Variants in STK24 observed in about 807,000 individuals in gnomAD.
The protein encoded by STK24 is serine/threonine kinase 24, also known as serine/threonine-protein kinase 24.
Under a neutral mutation model 55.6 loss-of-function variants are expected in STK24, and 21 were observed. The ratio of observed to expected loss-of-function variants is 0.38; its 90% CI spans 0.27 to 0.54. The LOEUF is 0.54. Ranked by LOEUF, STK24 falls within the 20% of genes least tolerant of loss-of-function variation. The pLI, the probability that STK24 is intolerant of heterozygous loss-of-function variation, is 0.79. For missense variants in STK24, 383 were observed against 538.4 expected (o/e 0.71, Z 2.86); for synonymous variants, 200 against 215.2 (o/e 0.93, Z 0.62).
Position 98,449,859 on chromosome 13 carries a change from G to C in STK24, c.*3314C>G, listed in dbSNP as rs991245845. Reference sequence around the variant, plus strand: ...AGGGTTTCTAAAGCCCCAGTGTTCAGAGTGACACAGGGAGGGCCTGCCCCC... The same window carrying C: ...AGGGTTTCTAAAGCCCCAGTGTTCACAGTGACACAGGGAGGGCCTGCCCCC... On this transcript the variant is annotated 3_prime_UTR_variant, in exon 11 of 11. Coordinates refer to ENST00000539966, the MANE Select transcript of STK24 (RefSeq NM_001032296.4). The C allele has an allele frequency of 2.6e-5, 4 of 152,374 alleles. No individual in the cohort carries two copies. The highest frequency in any genetic ancestry group is 9.7e-5 in the African/African-American group (4 of 41,398). 9.4% of individuals were successfully genotyped at this position (152,374 alleles called of 1,614,324 possible).
At chr13:98,533,770 ACACACG>A (rs1020303817) in intron 1 of STK24, among the ~76,000 whole-genome samples, 1 of 152,188 alleles carries the variant, frequency 6.6e-6, no homozygotes, top group South Asian at 2.1e-4. Flanking sequence ...ACACACACAC[ACACACG>A]CACACGCACC....
intron 2 of STK24, among the ~76,000 whole-genome samples, chr13:98,502,070 C>T (rs1233469429): frequency 2.0e-5 from 3 of 152,190 alleles, no homozygotes. Context: ...CCCCGTCTTA[C>T]TCTGCCCCAA....
At position 98,498,455 on chromosome 13, in the gene STK24, T is replaced by C. The variant is rs559823931; in HGVS notation, c.274-16134A>G. Among the ~76,000 whole-genome samples the C allele has an allele frequency of 2.0e-5, 3 of 152,294 alleles. No individual in the cohort carries two copies. In the South Asian group the frequency reaches 6.2e-4, roughly 32 times the overall value. On this transcript the variant is annotated intron_variant, in intron 2 of 10. Coordinates refer to ENST00000539966, the MANE Select transcript of STK24 (RefSeq NM_001032296.4). ...GCAAAGCCAGGACCTCATCCTGTGA[T>C]TGGTTGAATGACAAGTTACAAGTTG...
intron 9 of STK24, among the ~76,000 whole-genome samples, chr13:98,458,152 A>G (rs1408371376): frequency 6.6e-6 from 1 of 152,130 alleles, no homozygotes; most frequent in Non-Finnish European, 1.5e-5. Context: ...TCTTCCTGGC[A>G]CCTCTACTCC....
chr13:98,461,215 C>A (rs1267234589), intron 8 of STK24, among the ~76,000 whole-genome samples: 1 of 152,140 alleles, frequency 6.6e-6, no homozygotes. Flanking sequence ...CTTATCAAAG[C>A]GGGACTTGTA....
At chr13:98,510,883 T>C (rs929919093) in intron 2 of STK24, among the ~76,000 whole-genome samples, 4 of 152,154 alleles carry the variant, frequency 2.6e-5, no homozygotes, top group Admixed American at 1.3e-4. Context: ...AGTGGGTGAA[T>C]TGTAGATCGG....
chr13:98,510,936 C>A (rs1895858586), intron 2 of STK24, among the ~76,000 whole-genome samples: 1 of 152,104 alleles, frequency 6.6e-6, no homozygotes, highest in African/African-American at 2.4e-5. Context: ...AACAAAAACC[C>A]ACAGCTAAAC....
chr13:98,459,581 G>A lies in STK24; in HGVS notation c.1122+791C>T, dbSNP rs1317013161. On this transcript the variant is annotated intron_variant, in intron 9 of 10. Transcript: ENST00000539966. ...CGCTGCGTGACGCAGGCACAGGGGAGGAGAATGAGCTCCTATGACACTTCC... is the reference window on the plus strand; with the variant it reads ...CGCTGCGTGACGCAGGCACAGGGGAAGAGAATGAGCTCCTATGACACTTCC... Among the ~76,000 whole-genome samples the A allele has an allele frequency of 2.0e-5, 3 of 152,256 alleles. No homozygotes were observed. In the East Asian group the frequency reaches 5.8e-4, roughly 29 times the overall value.
Position 98,452,928 on chromosome 13 carries a change from AAAGT to A in STK24, c.*241_*244del, listed in dbSNP as rs1217201024. The A allele has an allele frequency of 4.9e-5, 21 of 426,968 alleles. No homozygotes were observed. Among genetic ancestry groups the A allele is most frequent in the South Asian group, 2.9e-4 (5 of 17,396 alleles). The allele number at this position is 426,968 out of a possible 1,614,324, so 26.4% of individuals were successfully genotyped here. The stretch of plus-strand genomic sequence containing the variant: ...TGCACTATGGTTAAAATTAAAAACA[AAAGT>A]AATAAAATAAAATAAAATGATCGCT... On this transcript the variant is annotated 3_prime_UTR_variant, in exon 11 of 11. Transcript: ENST00000539966.
rs199656792 is a variant in STK24, at chr13:98,445,763, AC to A, written c.*7409del. 4.3e-3 allele frequency: 835 copies of A among 194,280 alleles called. 9 individuals are homozygous for A. Among genetic ancestry groups the A allele is most frequent in the African/African-American group, 0.019 (796 of 42,524 alleles). The allele number at this position is 194,280 out of a possible 1,614,324, so 12.0% of individuals were successfully genotyped here. A position where few individuals can be genotyped will look rare whatever the true frequency, so the allele number is the denominator to read the frequency against. On this transcript the variant is annotated 3_prime_UTR_variant, in exon 11 of 11. Coordinates refer to ENST00000539966, the MANE Select transcript of STK24 (RefSeq NM_001032296.4). ...TCCCGTTGGATTTAGGGCCCACCCT[AC>A]CCCAGTGTGATCTCGTCTTCACTAG...
At chr13:98,498,854 G>A (rs1367735370) in intron 2 of STK24, among the ~76,000 whole-genome samples, 1 of 152,210 alleles carries the variant, frequency 6.6e-6, no homozygotes, top group Non-Finnish European at 1.5e-5. Flanking sequence ...CCAGGCTGAG[G>A]CATCCCAGAC....
At chr13:98,564,800 G>C (rs773192710) in intron 1 of STK24, among the ~76,000 whole-genome samples, 9 of 152,124 alleles carry the variant, frequency 5.9e-5, no homozygotes, top group Non-Finnish European at 1.0e-4. Context: ...AGCTACTTAA[G>C]AGGCAGAAGC....
At chr13:98,475,825 G>A (rs2139289219) in intron 3 of STK24, among the ~76,000 whole-genome samples, 1 of 152,326 alleles carries the variant, frequency 6.6e-6, no homozygotes, top group African/African-American at 2.4e-5. Flanking sequence ...GCCAGGATCT[G>A]TCCTAACATA....
intron 6 of STK24, among the ~76,000 whole-genome samples, chr13:98,465,686 A>G (rs148872256): frequency 9.3e-4 from 142 of 152,352 alleles, no homozygotes; most frequent in Non-Finnish European, 1.7e-3. Flanking sequence ...CCATTTTTAC[A>G]TAAGAGTTAA....
chr13:98,466,237 C>A, intron 6 of STK24, 139 bp downstream of exon 6: 1 of 756,648 alleles, frequency 1.3e-6, no homozygotes, highest in Non-Finnish European at 1.9e-6. Context: ...AGAAGTCAAT[C>A]ATACTTACTT....
intron 1 of STK24, among the ~76,000 whole-genome samples, chr13:98,554,870 C>T (rs1249891333): frequency 1.3e-5 from 2 of 151,870 alleles, no homozygotes; most frequent in Non-Finnish European, 2.9e-5. Flanking sequence ...CAAAAATTAG[C>T]CAGGCATGGT....
intron 1 of STK24, among the ~76,000 whole-genome samples, chr13:98,567,376 C>T (rs1236005601): frequency 2.0e-5 from 3 of 152,210 alleles, no homozygotes; most frequent in African/African-American, 7.2e-5. Flanking sequence ...GCCACCTCCG[C>T]CCTGCCAAGA....
intron 2 of STK24, among the ~76,000 whole-genome samples, chr13:98,507,983 G>A (rs1169593954): frequency 2.0e-5 from 3 of 151,484 alleles, no homozygotes; most frequent in African/African-American, 7.4e-5. Context: ...AACAGGGAAA[G>A]TACCAAAGGA....
intron 2 of STK24, among the ~76,000 whole-genome samples, chr13:98,504,394 C>T (rs9556962): frequency 0.25 from 37,793 of 152,134 alleles, 5,830 homozygotes; most frequent in East Asian, 0.42. Context: ...TCCACCATGC[C>T]TCTTCCCTGG....
Sources: gnomAD v4.1 joint callset for allele counts (sites outside exome capture counted in the v4.1 genomes callset) on GRCh38, gnomAD v4.1.1 for gene constraint, MANE v1.5 for transcripts, NCBI Gene and HGNC (gene_info 2026-07-23, HGNC 2026-07-21) for gene names.